CYP2C19: variants seen among roughly 807,000 people sequenced by gnomAD.
The protein encoded by CYP2C19 is cytochrome P450 2C19.
CYP2C19 carries 59 observed loss-of-function variants against 40.9 expected under a neutral mutation model. The observed-to-expected ratio is 1.44, with a 90% CI of 1.17 to 1.79. CYP2C19 has a LOEUF of 1.79. Among genes scored for constraint, CYP2C19 ranks in the 40% most tolerant of loss-of-function variants. The pLI is 0.00. For missense variants in CYP2C19, 754 were observed against 596.9 expected (o/e 1.26, Z -2.74); for synonymous variants, 253 against 208.7 (o/e 1.21, Z -1.83).
intron 4 of CYP2C19, 68 bp downstream of exon 4, chr10:94,780,727 T>C (rs1848468768): frequency 6.4e-7 from 1 of 1,550,388 alleles, no homozygotes; most frequent in East Asian, 2.2e-5. Context: ...TCCAAAATTC[T>C]ATATTGACCA....
chr10:94,830,332 G>A (rs1470215025), intron 6 of CYP2C19, among the ~76,000 whole-genome samples: 1 of 152,246 alleles, frequency 6.6e-6, no homozygotes, highest in Non-Finnish European at 1.5e-5. Flanking sequence ...GACCCTCCGA[G>A]CCAGGTGCGG....
At chr10:94,815,995 G>A (rs551279570) in intron 5 of CYP2C19, among the ~76,000 whole-genome samples, 1 of 152,226 alleles carries the variant, frequency 6.6e-6, no homozygotes, top group African/African-American at 2.4e-5. Flanking sequence ...ACAGGTAATA[G>A]TAACTTTAAC....
In CYP2C19 at chr10:94,852,824, G is replaced by A; in HGVS notation, c.1383G>A (p.Leu461=). The A allele has an allele frequency of 2.5e-6, 4 of 1,614,026 alleles. No homozygotes were observed. Among genetic ancestry groups the A allele is most frequent in the Non-Finnish European group, 3.4e-6 (4 of 1,179,970 alleles). Residue 461 remains leucine, a synonymous_variant, in exon 9 of 9, where the codon CTG becomes CTA. Coordinates refer to ENST00000371321, the MANE Select transcript of CYP2C19 (RefSeq NM_000769.4). ...TACAGAACTTTAACCTGAAATCTCT[G>A]ATTGACCCAAAGGACCTTGACACAA... ...FILQNFNLKS[L]IDPKDLDTTP...
chr10:94,812,765 CA>C (rs1848945636), intron 5 of CYP2C19, among the ~76,000 whole-genome samples: 1 of 151,708 alleles, frequency 6.6e-6, no homozygotes, highest in African/African-American at 2.4e-5. Flanking sequence ...ATTCGTCTAA[CA>C]TTTTTTCAAG....
chr10:94,820,341 TG>T lies in CYP2C19; in HGVS notation c.820-154del, dbSNP rs56007608. ...TTTGAAAACTGGCACAAGACAGGGA[TG>T]CCCTCTCTCACCGCTCCTATTCAAT... On this transcript the variant is annotated intron_variant, in intron 5 of 8. Coordinates refer to ENST00000371321, the MANE Select transcript of CYP2C19 (RefSeq NM_000769.4). 8.3e-3 allele frequency among the ~76,000 whole-genome samples: 1,271 copies of T among 152,266 alleles called. 22 individuals carry two copies. The highest frequency in any genetic ancestry group is 0.061 in the East Asian group (315 of 5,176).
intron 6 of CYP2C19, among the ~76,000 whole-genome samples, chr10:94,830,647 G>C (rs1193552950): frequency 2.0e-5 from 3 of 152,174 alleles, no homozygotes; most frequent in Non-Finnish European, 2.9e-5. Context: ...CTGTAGACCA[G>C]AGCTGTTCCT....
At chr10:94,820,937 A>T (rs1325616102) in intron 6 of CYP2C19, among the ~76,000 whole-genome samples, 2 of 152,086 alleles carry the variant, frequency 1.3e-5, no homozygotes, top group African/African-American at 4.8e-5. Flanking sequence ...TACAAAACGT[A>T]GCCGGGCATT....
At chr10:94,763,349 C>T (rs919339973) in intron 1 of CYP2C19, among the ~76,000 whole-genome samples, 3 of 151,990 alleles carry the variant, frequency 2.0e-5, no homozygotes, top group African/African-American at 7.2e-5. Flanking sequence ...AGCAGATAAG[C>T]GGTAGATAAG....
intron 7 of CYP2C19, among the ~76,000 whole-genome samples, chr10:94,844,585 A>T (rs1185254548): frequency 6.6e-6 from 1 of 152,162 alleles, no homozygotes; most frequent in East Asian, 1.9e-4. Context: ...TATAACCTAA[A>T]GTTATATTTT....
intron 8 of CYP2C19, 95 bp from the exon 9 acceptor site, chr10:94,852,638 T>C (rs111448400): frequency 1.4e-5 from 19 of 1,364,986 alleles, no homozygotes; most frequent in African/African-American, 1.3e-4. Context: ...CGAACAGTTC[T>C]TGCATATTCT....
intron 5 of CYP2C19, among the ~76,000 whole-genome samples, chr10:94,783,333 G>A (rs1030303076): frequency 2.6e-5 from 4 of 152,098 alleles, no homozygotes; most frequent in Non-Finnish European, 5.9e-5. Context: ...TATTTGCAGT[G>A]AGAGTCAGAA....
chr10:94,786,493 G>A (rs1290803396), intron 5 of CYP2C19, among the ~76,000 whole-genome samples: 1 of 152,042 alleles, frequency 6.6e-6, no homozygotes, highest in Admixed American at 6.6e-5. Context: ...TTGCTTGCCT[G>A]ATTTTAAAAT....
intron 5 of CYP2C19, among the ~76,000 whole-genome samples, chr10:94,806,932 A>G (rs142520751): frequency 6.9e-4 from 105 of 152,136 alleles, no homozygotes; most frequent in Non-Finnish European, 2.8e-4. Context: ...CTATTTGAAA[A>G]TATACAATAA....
At chr10:94,828,762 T>C (rs1199485474) in intron 6 of CYP2C19, among the ~76,000 whole-genome samples, 1 of 152,116 alleles carries the variant, frequency 6.6e-6, no homozygotes, top group Non-Finnish European at 1.5e-5. Flanking sequence ...CTAGACTCGA[T>C]GGTCTTTACA....
chr10:94,840,639 T>G (rs1296336343), intron 6 of CYP2C19, among the ~76,000 whole-genome samples: 1 of 152,046 alleles, frequency 6.6e-6, no homozygotes, highest in Non-Finnish European at 1.5e-5. Context: ...GAAGGAAAGG[T>G]AGGGGCGCAC....
chr10:94,775,206 C>G lies in CYP2C19; in HGVS notation c.317C>G (p.Ala106Gly), dbSNP rs545642100. The G allele has an allele frequency of 6.2e-7, 1 of 1,614,026 alleles. No homozygotes were observed. The highest frequency in any genetic ancestry group is 1.3e-5 in the African/African-American group (1 of 75,028). ...GRGHFPLAER[A>G]NRGFGIVFSN... ...GGCCATTTCCCACTGGCTGAAAGAG[C>G]TAACAGAGGATTTGGTAGGTGTGCA... The change falls in exon 2 of 9, where the codon GCT (alanine) becomes GGT (glycine). Residue 106 changes from alanine to glycine, a missense_variant. Coordinates refer to ENST00000371321, the MANE Select transcript of CYP2C19 (RefSeq NM_000769.4).
chr10:94,791,794 T>C (rs865807063), intron 5 of CYP2C19, among the ~76,000 whole-genome samples: 3 of 152,138 alleles, frequency 2.0e-5, no homozygotes, highest in Non-Finnish European at 4.4e-5. Flanking sequence ...AGCTATGTGG[T>C]CAATTTTGGA....
intron 5 of CYP2C19, among the ~76,000 whole-genome samples, chr10:94,811,809 G>C (rs1257498787): frequency 6.6e-6 from 1 of 151,910 alleles, no homozygotes; most frequent in African/African-American, 2.4e-5. Flanking sequence ...ACAGCACATT[G>C]ATGGGTCTTG....
In CYP2C19 at chr10:94,815,209, G is replaced by A. The variant is rs969854433; in HGVS notation, c.820-5287G>A. Among the ~76,000 whole-genome samples, 14 of 151,602 alleles carry A rather than the reference G, an allele frequency of 9.2e-5. No individual in the cohort carries two copies. The East Asian group carries it at 1.2e-3, about 13-fold the overall frequency. Reference sequence around the variant, plus strand: ...TTACTTAAGAGTAATTTTCAACATGGCAAGCTTAGAAAACTGTGTGAAGCT... The same window carrying A: ...TTACTTAAGAGTAATTTTCAACATGACAAGCTTAGAAAACTGTGTGAAGCT... On this transcript the variant is annotated intron_variant, in intron 5 of 8. Coordinates refer to ENST00000371321, the MANE Select transcript of CYP2C19 (RefSeq NM_000769.4).
Sources: gnomAD v4.1 joint callset for allele counts (sites outside exome capture counted in the v4.1 genomes callset) on GRCh38, gnomAD v4.1.1 for gene constraint, MANE v1.5 for transcripts, NCBI Gene and HGNC (gene_info 2026-07-23, HGNC 2026-07-21) for gene names.